Variants in CFAP97 observed in about 807,000 individuals in gnomAD.
CFAP97 encodes the protein cilia- and flagella-associated protein 97.
A neutral mutation model predicts 43.1 loss-of-function variants in CFAP97; 36 were observed. The observed-to-expected ratio is 0.84, with a 90% CI of 0.64 to 1.10. The LOEUF (loss-of-function observed/expected upper bound fraction) is 1.10, where lower values mean the gene tolerates loss of function less well. Among genes scored for constraint, CFAP97 ranks in the 50% least tolerant of loss-of-function variants. The pLI is 0.00. For synonymous variants in CFAP97, 228 were observed against 225.7 expected (o/e 1.01, Z -0.09); for missense variants, 657 against 620.3 (o/e 1.06, Z -0.63).
intron 3 of CFAP97, among the ~76,000 whole-genome samples, chr4:185,167,424 C>A (rs1241781942): frequency 6.6e-6 from 1 of 152,110 alleles, no homozygotes; most frequent in African/African-American, 2.4e-5. Context: ...ATGATCACAC[C>A]ACTAGACTCC....
chr4:185,186,016 A>G (rs1419006223), intron 2 of CFAP97, among the ~76,000 whole-genome samples: 5 of 152,226 alleles, frequency 3.3e-5, no homozygotes, highest in African/African-American at 1.2e-4. Context: ...GGCATAGGTA[A>G]AATATACATT....
intron 4 of CFAP97, 36 bp downstream of exon 4, chr4:185,163,993 T>G (rs1180228122): frequency 1.9e-6 from 3 of 1,581,370 alleles, no homozygotes; most frequent in Non-Finnish European, 2.6e-6. Context: ...GGATACAAGA[T>G]ACAAATAAGT....
At chr4:185,172,919 G>A (rs1735362100) in intron 3 of CFAP97, among the ~76,000 whole-genome samples, 1 of 151,264 alleles carries the variant, frequency 6.6e-6, no homozygotes, top group Non-Finnish European at 1.5e-5. Flanking sequence ...TTAAGGTTGA[G>A]TATGAGAAGG....
intron 4 of CFAP97, among the ~76,000 whole-genome samples, 181 bp downstream of exon 4, chr4:185,163,848 T>G (rs1169435914): frequency 6.6e-6 from 1 of 152,164 alleles, no homozygotes; most frequent in African/African-American, 2.4e-5. Flanking sequence ...TGTCATTATA[T>G]GCTGTAAATG....
intron 3 of CFAP97, chr4:185,169,054 ATG>A (rs1249781917): frequency 2.0e-5 from 3 of 152,206 alleles, no homozygotes; most frequent in African/African-American, 4.8e-5. Context: ...ATTTTTATTT[ATG>A]TGTGTGGTGA....
At chr4:185,196,248 C>T (rs1441779636) in intron 1 of CFAP97, among the ~76,000 whole-genome samples, 1 of 151,720 alleles carries the variant, frequency 6.6e-6, no homozygotes, top group Non-Finnish European at 1.5e-5. Context: ...CCGAGGTGGG[C>T]AGATCACTTG....
At chr4:185,210,136 G>A, upstream of CFAP97, 4 of 983,988 alleles carry the variant, frequency 4.1e-6, no homozygotes, top group Non-Finnish European at 1.2e-6. The surrounding 1 kb of genome is among the most constrained non-coding windows in gnomAD (Gnocchi z 4.4). Flanking sequence ...CGCGGCGGCC[G>A]CCTTCCTGCT....
At chr4:185,168,055 T>C (rs1735141115) in intron 3 of CFAP97, among the ~76,000 whole-genome samples, 1 of 151,668 alleles carries the variant, frequency 6.6e-6, no homozygotes, top group South Asian at 2.1e-4. Flanking sequence ...TTAATATTGC[T>C]GTATTTTCTA....
At chr4:185,170,176 T>C (rs949300842) in intron 3 of CFAP97, 1 of 597,086 alleles carries the variant, frequency 1.7e-6, no homozygotes, top group East Asian at 3.4e-5. Flanking sequence ...GGCAATACCA[T>C]CTCCACTAAA....
At chr4:185,204,080 C>T (rs1017057690), upstream of CFAP97, 4 of 151,012 alleles carry the variant, frequency 2.6e-5, no homozygotes, top group African/African-American at 9.7e-5. Context: ...TCGTGCGGCC[C>T]TCGCGGCGGG....
chr4:185,191,305 G>T, intron 1 of CFAP97, 93 bp from the exon 2 acceptor site: 1 of 908,444 alleles, frequency 1.1e-6, no homozygotes, highest in Non-Finnish European at 1.5e-6. Flanking sequence ...AAACTGACAA[G>T]TGTGTTTAAT....
chr4:185,164,316 T>G, intron 3 of CFAP97, 137 bp from the exon 4 acceptor site: 2 of 898,926 alleles, frequency 2.2e-6, no homozygotes, highest in Non-Finnish European at 1.6e-6. Context: ...TCACTCAGGC[T>G]GGCCTGGAAC....
At chr4:185,180,383 T>C (rs1014626984) in intron 2 of CFAP97, among the ~76,000 whole-genome samples, 17 of 152,176 alleles carry the variant, frequency 1.1e-4, no homozygotes, top group African/African-American at 3.9e-4. Context: ...ACTCCTTCCA[T>C]TGTGTAAAAC....
intron 1 of CFAP97, among the ~76,000 whole-genome samples, chr4:185,192,748 T>TG (rs1736333237): frequency 1.0e-5 from 1 of 98,258 alleles, no homozygotes; most frequent in African/African-American, 4.0e-5. Context: ...TTTTTTTTTT[T>TG]TTTTTTTTTT....
At chr4:185,171,252 C>G (rs111658316) in intron 3 of CFAP97, among the ~76,000 whole-genome samples, 13 of 152,162 alleles carry the variant, frequency 8.5e-5, no homozygotes, top group Non-Finnish European at 1.6e-4. Flanking sequence ...GTAGTCCCAG[C>G]TACTCGGGAG....
intron 3 of CFAP97, among the ~76,000 whole-genome samples, chr4:185,167,034 T>G (rs1214099813): frequency 6.6e-6 from 1 of 152,200 alleles, no homozygotes; most frequent in Non-Finnish European, 1.5e-5. Context: ...ATTTTATGTA[T>G]GGCCCCAGAC....
At chr4:185,193,038 C>CGG (rs1736372716) in intron 1 of CFAP97, among the ~76,000 whole-genome samples, 2 of 152,070 alleles carry the variant, frequency 1.3e-5, no homozygotes, top group East Asian at 3.9e-4. Context: ...CCGCGCCCCA[C>CGG]CCAGAATTGA....
At chr4:185,186,357 C>T (rs771634885) in intron 2 of CFAP97, among the ~76,000 whole-genome samples, 19 of 151,956 alleles carry the variant, frequency 1.3e-4, no homozygotes, top group Admixed American at 1.1e-3. Context: ...TGCTTGAACC[C>T]GGGAGGCAGA....
chr4:185,164,888 A>G (rs1394025713), intron 3 of CFAP97, among the ~76,000 whole-genome samples: 1 of 152,238 alleles, frequency 6.6e-6, no homozygotes, highest in Non-Finnish European at 1.5e-5. Context: ...TATGGAAGCT[A>G]CTACAGATTC....
Sources: allele counts gnomAD v4.1 joint callset (sites outside exome capture counted in the v4.1 genomes callset), GRCh38; gene constraint gnomAD v4.1.1; non-coding constraint Gnocchi (gnomAD v3.1); transcripts MANE v1.5; gene names NCBI Gene and HGNC (gene_info 2026-07-23, HGNC 2026-07-21).